Variants in MCAT observed in about 807,000 individuals in gnomAD.
MCAT encodes malonyl-CoA-acyl carrier protein transacylase, mitochondrial.
A neutral mutation model predicts 22.9 loss-of-function variants in MCAT; 22 were observed. The ratio of observed to expected loss-of-function variants is 0.96; its 90% CI spans 0.69 to 1.37. MCAT has a LOEUF of 1.37. Ranked by LOEUF, MCAT falls within the 40% of genes most tolerant of loss-of-function variation. The pLI is 0.00. For missense variants in MCAT, 534 were observed against 533.6 expected, an observed-to-expected ratio of 1.00 and a Z score of -0.01; for synonymous variants, 240 against 233.9, an observed-to-expected ratio of 1.03 and a Z score of -0.24.
At chr22:43,142,702 C>T (rs1352928889) in intron 1 of MCAT, among the ~76,000 whole-genome samples, 3 of 149,852 alleles carry the variant, frequency 2.0e-5, no homozygotes, top group Non-Finnish European at 4.4e-5. Flanking sequence ...AGGAGAATGG[C>T]GTGAACTCGG....
chr22:43,143,359 C>G lies in MCAT; in HGVS notation c.-11G>C, dbSNP rs779152256. On this transcript the variant is annotated 5_prime_UTR_variant, in exon 1 of 4. Transcript: ENST00000290429. ...GACCCGGACGCTCATGGTCGGACACCTGCCCGCGCGCGTTACCGTGGCGAC... is the reference window on the plus strand; with the variant it reads ...GACCCGGACGCTCATGGTCGGACACGTGCCCGCGCGCGTTACCGTGGCGAC... The G allele has an allele frequency of 7.0e-4, 953 of 1,357,468 alleles. No homozygotes were observed. The highest frequency in any genetic ancestry group is 8.1e-4 in the Non-Finnish European group (864 of 1,061,006). The allele number at this position is 1,357,468 out of a possible 1,614,324, so 84.1% of individuals were successfully genotyped here.
intron 2 of MCAT, among the ~76,000 whole-genome samples, chr22:43,138,601 G>A (rs888247568): frequency 6.6e-6 from 1 of 152,188 alleles, no homozygotes; most frequent in Non-Finnish European, 1.5e-5. Context: ...GCCGGGCGTG[G>A]CAGTGTGCGC....
intron 2 of MCAT, among the ~76,000 whole-genome samples, chr22:43,137,825 G>A (rs1485067089): frequency 2.6e-5 from 4 of 151,994 alleles, no homozygotes; most frequent in South Asian, 4.1e-4. Flanking sequence ...CCTTAGCCAA[G>A]TCACAACCTC....
chr22:43,141,265 C>G lies in MCAT; in HGVS notation c.424-16G>C. 1 of 1,607,008 alleles carries G rather than the reference C, an allele frequency of 6.2e-7. No homozygotes were observed. Among genetic ancestry groups the G allele is most frequent in the South Asian group, 1.1e-5 (1 of 90,958 alleles). On this transcript the variant is annotated splice_polypyrimidine_tract_variant and intron_variant, in intron 1 of 3. Coordinates refer to ENST00000290429, the MANE Select transcript of MCAT (RefSeq NM_173467.5). ...TCTCAATCACCTGTGGGGACAGATG[C>G]AGAACGTGAGCCCTCACTCTCCTGG...
intron 2 of MCAT, among the ~76,000 whole-genome samples, chr22:43,139,387 A>G (rs532957601): frequency 7.2e-4 from 109 of 152,158 alleles, no homozygotes; most frequent in African/African-American, 2.6e-3. Flanking sequence ...TTAGCTGGGC[A>G]TGATGGTGTG....
intron 1 of MCAT, 82 bp downstream of exon 1, chr22:43,142,844 T>C: frequency 7.4e-7 from 1 of 1,342,644 alleles, no homozygotes; most frequent in South Asian, 1.6e-5. Flanking sequence ...GCCCCCGGAA[T>C]GGCAGGCGGA....
chr22:43,132,797 A>G lies in MCAT; in HGVS notation c.*246T>C. 1.9e-6 allele frequency: 1 copy of G among 514,874 alleles called. No individual in the cohort carries two copies. The highest frequency in any genetic ancestry group is 3.5e-6 in the Non-Finnish European group (1 of 285,038). The allele number at this position is 514,874 out of a possible 1,614,324, so 31.9% of individuals were successfully genotyped here. On this transcript the variant is annotated 3_prime_UTR_variant, in exon 4 of 4. Coordinates refer to ENST00000290429, the MANE Select transcript of MCAT (RefSeq NM_173467.5). ...GCGGGGCCAGGATTCTAGCTTCCCCACACACCAGCCCTGTGGCATCATTCT... is the reference window on the plus strand; with the variant it reads ...GCGGGGCCAGGATTCTAGCTTCCCCGCACACCAGCCCTGTGGCATCATTCT...
chr22:43,135,051 CAG>C (rs1450881220), intron 3 of MCAT, among the ~76,000 whole-genome samples: 1 of 152,262 alleles, frequency 6.6e-6, no homozygotes, highest in African/African-American at 2.4e-5. Context: ...GTCACCATCA[CAG>C]GGGCCAGCAG....
chr22:43,139,293 G>A (rs896616051), intron 2 of MCAT, among the ~76,000 whole-genome samples: 1 of 152,180 alleles, frequency 6.6e-6, no homozygotes, highest in African/African-American at 2.4e-5. Flanking sequence ...GTAGGAGGCT[G>A]AAGCTGGAGG....
chr22:43,133,972 A>AT (rs1475301553), intron 3 of MCAT, among the ~76,000 whole-genome samples: 2 of 151,810 alleles, frequency 1.3e-5, no homozygotes, highest in Non-Finnish European at 2.9e-5. Flanking sequence ...CGCCCGGCTA[A>AT]TTTTTTGTAT....
chr22:43,132,993 G>C lies in MCAT; in HGVS notation c.*50C>G. On this transcript the variant is annotated 3_prime_UTR_variant, in exon 4 of 4. Transcript: ENST00000290429. ...TAGGGGGCGACAGGCACAGCCTACA[G>C]CCTCTCCTCAGGAGGACAGAGGGGG... The C allele has an allele frequency of 1.1e-5, 17 of 1,550,712 alleles. No homozygotes were observed. Among genetic ancestry groups the C allele is most frequent in the Non-Finnish European group, 1.4e-5 (16 of 1,132,734 alleles).
At chr22:43,137,379 G>C in intron 2 of MCAT, 81 bp from the exon 3 acceptor site, 5 of 1,143,350 alleles carry the variant, frequency 4.4e-6, no homozygotes, top group Non-Finnish European at 5.0e-6. Flanking sequence ...CAAAGCCCAA[G>C]CTCCACTCTG....
chr22:43,134,472 C>T (rs569633002), intron 3 of MCAT, among the ~76,000 whole-genome samples: 2 of 152,274 alleles, frequency 1.3e-5, no homozygotes, highest in South Asian at 2.1e-4. Context: ...CTCAGCCTCC[C>T]GAGTAGCTGG....
intron 3 of MCAT, among the ~76,000 whole-genome samples, chr22:43,134,007 C>T (rs966837930): frequency 1.3e-5 from 2 of 152,064 alleles, no homozygotes; most frequent in African/African-American, 4.8e-5. Context: ...ACCTCGTGAT[C>T]CACCCTCTTC....
At chr22:43,141,850 T>C (rs1209616657) in intron 1 of MCAT, among the ~76,000 whole-genome samples, 1 of 152,208 alleles carries the variant, frequency 6.6e-6, no homozygotes, top group African/African-American at 2.4e-5. Flanking sequence ...ATTATAGGCA[T>C]TATAGGCGTG....
rs372808314 is a variant in MCAT, at chr22:43,133,193, C to A, written c.1023G>T (p.Gly341=). The A allele has an allele frequency of 3.1e-6, 5 of 1,614,220 alleles. No individual in the cohort carries two copies. Among genetic ancestry groups the A allele is most frequent in the East Asian group, 2.2e-5 (1 of 44,882 alleles). The change falls in exon 4 of 4, where the codon GGG becomes GGT. Residue 341 remains glycine, a synonymous_variant. Transcript: ENST00000290429. ...HAIYERKKGR[G]FPQTFEVGPG... ...GGCCTACTTCGAAAGTTTGGGGGAA[C>A]CCCCTGCCCTTTTTCCTTTCGTATA...
At position 43,141,184 on chromosome 22, in the gene MCAT, G is replaced by A. The variant is rs780977743; in HGVS notation, c.489C>T (p.Ala163=). 14 of 1,613,928 alleles carry A rather than the reference G, an allele frequency of 8.7e-6. No homozygotes were observed. The highest frequency in any genetic ancestry group is 7.7e-5 in the South Asian group (7 of 91,080). Residue 163 remains alanine (A), a synonymous_variant, in exon 2 of 4, where the codon GCC becomes GCT. Transcript: ENST00000290429. ...SVGEFAALVF[A]GAMEFAEGLY... is the part of the protein sequence containing the mutation. Reference sequence around the variant, plus strand: ...TACCTTCAGCAAATTCCATGGCTCCGGCAAACACTAGGGCTGCAAACTCTC... The same window carrying A: ...TACCTTCAGCAAATTCCATGGCTCCAGCAAACACTAGGGCTGCAAACTCTC...
rs752869483 is a variant in MCAT, at chr22:43,133,381, C to T, written c.835G>A (p.Glu279Lys). Residue 279 changes from glutamate (E) to lysine (K), a missense_variant, in exon 4 of 4, where the codon GAG becomes AAG. Physicochemically the swap from Glu to Lys is moderately conservative, Grantham distance 56. Coordinates refer to ENST00000290429, the MANE Select transcript of MCAT (RefSeq NM_173467.5). ...FHTRLMEPAV[E>K]PLTQALKAVD... is the part of the protein sequence containing the mutation. ...GCCTTTAAAGCTTGCGTCAGGGGCT[C>T]CACGGCTGGCTCCATGAGGCGGGTG... 4.9e-5 allele frequency: 79 copies of T among 1,614,040 alleles called. No homozygotes were observed. Among genetic ancestry groups the T allele is most frequent in the Non-Finnish European group, 6.4e-5 (76 of 1,180,044 alleles).
intron 2 of MCAT, among the ~76,000 whole-genome samples, chr22:43,139,246 G>C (rs1289670579): frequency 1.3e-5 from 2 of 152,172 alleles, no homozygotes; most frequent in Admixed American, 6.5e-5. Flanking sequence ...AAGTAGGCCA[G>C]GCACAGTGGC....
Sources: allele counts gnomAD v4.1 joint callset (sites outside exome capture counted in the v4.1 genomes callset), GRCh38; gene constraint gnomAD v4.1.1; transcripts MANE v1.5; gene names NCBI Gene and HGNC (gene_info 2026-07-23, HGNC 2026-07-21).